MS4A6E: variants seen among roughly 807,000 people sequenced by gnomAD.
MS4A6E encodes membrane-spanning 4-domains subfamily A member 6E.
Under a neutral mutation model 13.2 loss-of-function variants are expected in MS4A6E, and 8 were observed. The observed-to-expected ratio is 0.60, with a 90% CI of 0.35 to 1.09. MS4A6E has a LOEUF of 1.09. Ranked by LOEUF, MS4A6E falls within the 50% of genes least tolerant of loss-of-function variation. The probability of loss-of-function intolerance (pLI) is 0.02; values close to 1 mark genes in which losing one functional copy is unlikely to be tolerated. For missense variants in MS4A6E, 177 were observed against 171.1 expected, an observed-to-expected ratio of 1.03 and a Z score of -0.19; for synonymous variants, 72 against 67.6, an observed-to-expected ratio of 1.06 and a Z score of -0.32.
At chr11:60,329,397 T>C (rs981236339) in intron 1 of MS4A6E, among the ~76,000 whole-genome samples, 42 of 152,344 alleles carry the variant, frequency 2.8e-4, no homozygotes, top group Admixed American at 1.8e-3. Flanking sequence ...CTATCATTGA[T>C]GGGCATTTGG....
chr11:60,329,157 C>T (rs559744185), intron 1 of MS4A6E, among the ~76,000 whole-genome samples: 48 of 151,654 alleles, frequency 3.2e-4, no homozygotes, highest in African/African-American at 8.2e-4. Context: ...CCCCACCCCC[C>T]GACAGGCCTT....
chr11:60,328,303 G>T (rs2085132599), intron 1 of MS4A6E, among the ~76,000 whole-genome samples: 1 of 152,184 alleles, frequency 6.6e-6, no homozygotes, highest in Non-Finnish European at 1.5e-5. Context: ...TTATCAGCCT[G>T]GCCATGTGAA....
intron 1 of MS4A6E, 92 bp from the exon 2 acceptor site, chr11:60,334,789 TG>T: frequency 7.4e-7 from 1 of 1,359,990 alleles, no homozygotes; most frequent in Non-Finnish European, 1.0e-6. Context: ...AGGCCAAGTC[TG>T]GACTAATTGG....
chr11:60,342,743 A>G (rs2085236156), downstream of MS4A6E, among the ~76,000 whole-genome samples: 1 of 152,174 alleles, frequency 6.6e-6, no homozygotes, highest in African/African-American at 2.4e-5. Flanking sequence ...TCCCTTTTCT[A>G]TTGGCACAAC....
intron 4 of MS4A6E, among the ~76,000 whole-genome samples, chr11:60,348,909 A>T (rs780254517): frequency 3.3e-5 from 5 of 152,220 alleles, no homozygotes; most frequent in African/African-American, 7.2e-5. Flanking sequence ...AGAGCCTCAA[A>T]ATGAATGGAC....
chr11:60,327,745 G>A (rs1454301377), intron 1 of MS4A6E, among the ~76,000 whole-genome samples: 2 of 151,940 alleles, frequency 1.3e-5, no homozygotes, highest in African/African-American at 4.8e-5. Context: ...AAACTGGAGG[G>A]GGCCAGGCGC....
downstream of MS4A6E, among the ~76,000 whole-genome samples, chr11:60,344,525 C>T (rs1233120987): frequency 1.3e-5 from 2 of 152,212 alleles, no homozygotes; most frequent in African/African-American, 4.8e-5. Flanking sequence ...TGAGTTTTAT[C>T]CTTTCCCAAG....
chr11:60,337,298 T>C (rs1406323435), intron 2 of MS4A6E, among the ~76,000 whole-genome samples: 1 of 152,196 alleles, frequency 6.6e-6, no homozygotes, highest in African/African-American at 2.4e-5. Flanking sequence ...CCAAAATTAC[T>C]TTTGCACCAT....
chr11:60,340,544 TA>T (rs2085217601), intron 4 of MS4A6E, among the ~76,000 whole-genome samples: 1 of 152,264 alleles, frequency 6.6e-6, no homozygotes, highest in Admixed American at 6.5e-5. Flanking sequence ...TAACTGAATT[TA>T]AAAGCCTTGA....
At chr11:60,345,003 C>T (rs11230283), downstream of MS4A6E, among the ~76,000 whole-genome samples, 3,930 of 152,068 alleles carry the variant, frequency 0.026, 135 homozygotes, top group Admixed American at 0.088. Context: ...GGCACAATCT[C>T]GGCTCACTGC....
chr11:60,348,999 A>G (rs1272172646), intron 4 of MS4A6E, among the ~76,000 whole-genome samples: 2 of 152,194 alleles, frequency 1.3e-5, no homozygotes, highest in Non-Finnish European at 2.9e-5. Flanking sequence ...ATTTCTTTCA[A>G]TTCACCCAGA....
intron 3 of MS4A6E, among the ~76,000 whole-genome samples, chr11:60,339,621 A>G (rs2085210753): frequency 6.6e-6 from 1 of 152,216 alleles, no homozygotes; most frequent in Admixed American, 6.5e-5. Context: ...AGTGAGAAAC[A>G]AGTGTATGAA....
intron 1 of MS4A6E, 112 bp from the exon 2 acceptor site, chr11:60,334,770 C>T: frequency 8.4e-7 from 1 of 1,190,400 alleles, no homozygotes; most frequent in Non-Finnish European, 1.2e-6. Flanking sequence ...GTTTCTTTCT[C>T]TAACACACAG....
At chr11:60,332,382 A>G (rs984606832) in intron 1 of MS4A6E, among the ~76,000 whole-genome samples, 2 of 152,224 alleles carry the variant, frequency 1.3e-5, no homozygotes, top group African/African-American at 4.8e-5. Flanking sequence ...TTATGTGTCA[A>G]TGCTCATTAT....
intron 1 of MS4A6E, among the ~76,000 whole-genome samples, chr11:60,334,161 T>G (rs1209379341): frequency 1.3e-5 from 2 of 152,166 alleles, no homozygotes; most frequent in African/African-American, 4.8e-5. Context: ...GTTGGGGGCC[T>G]CTGAGAACAA....
chr11:60,341,654 T>G (rs76006758), downstream of MS4A6E, among the ~76,000 whole-genome samples: 1,698 of 152,318 alleles, frequency 0.011, 7 homozygotes, highest in Non-Finnish European at 0.017. Context: ...CCTCCATTTC[T>G]TTGAAAGATT....
chr11:60,339,245 G>GT (rs1217779506), intron 3 of MS4A6E, among the ~76,000 whole-genome samples: 9 of 152,160 alleles, frequency 5.9e-5, no homozygotes, highest in Admixed American at 3.3e-4. Context: ...TACCTTCACT[G>GT]TTTTTTTCCA....
At chr11:60,338,069 A>G (rs2085200570) in intron 3 of MS4A6E, 122 bp downstream of exon 3, 3 of 903,890 alleles carry the variant, frequency 3.3e-6, no homozygotes, top group African/African-American at 1.7e-5. Context: ...GAGGAAGGCC[A>G]AGGTTATGTA....
chr11:60,334,816 C>A, intron 1 of MS4A6E, 66 bp from the exon 2 acceptor site: 2 of 1,550,564 alleles, frequency 1.3e-6, no homozygotes, highest in East Asian at 2.2e-5. Flanking sequence ...ACTGACTTAC[C>A]AGTTTTGCAG....
Sources: gnomAD v4.1 joint callset for allele counts (sites outside exome capture counted in the v4.1 genomes callset) on GRCh38, gnomAD v4.1.1 for gene constraint, MANE v1.5 for transcripts, NCBI Gene and HGNC (gene_info 2026-07-23, HGNC 2026-07-21) for gene names.